CTNNA2: variants seen among roughly 807,000 people sequenced by gnomAD.
The protein encoded by CTNNA2 is catenin alpha 2.
In CTNNA2, 42 loss-of-function variants were observed where a neutral mutation model predicts 101.0. That is an observed-to-expected ratio of 0.42 (90% CI 0.32 to 0.54). CTNNA2 has a LOEUF of 0.54. Ranked by LOEUF, CTNNA2 falls within the 20% of genes least tolerant of loss-of-function variation. The probability of loss-of-function intolerance (pLI) is 0.14; values close to 1 mark genes in which losing one functional copy is unlikely to be tolerated. For synonymous variants in CTNNA2, 450 were observed against 456.4 expected, an observed-to-expected ratio of 0.99 and a Z score of 0.18; for missense variants, 871 against 1,223.1, an observed-to-expected ratio of 0.71 and a Z score of 4.29.
At chr2:79,474,641 T>C (rs1382284968) in intron 4 of CTNNA2, among the ~76,000 whole-genome samples, 1 of 152,208 alleles carries the variant, frequency 6.6e-6, no homozygotes, top group Non-Finnish European at 1.5e-5. Context: ...TATATTTTAA[T>C]TTTAATTTAT....
At chr2:80,400,901 C>T (rs1559078414) in intron 8 of CTNNA2, among the ~76,000 whole-genome samples, 1 of 152,152 alleles carries the variant, frequency 6.6e-6, no homozygotes, top group East Asian at 1.9e-4. Flanking sequence ...TATGATTGCC[C>T]CAACAGTATC....
At chr2:80,001,777 C>T (rs747076130) in intron 7 of CTNNA2, among the ~76,000 whole-genome samples, 7 of 152,192 alleles carry the variant, frequency 4.6e-5, no homozygotes, top group Non-Finnish European at 1.0e-4. Flanking sequence ...CCACTGCTAC[C>T]AGGACAGTGC....
At position 80,303,622 on chromosome 2, in the gene CTNNA2, G is replaced by C. The variant is rs747962644; in HGVS notation, c.1057-89589G>C. Reference sequence around the variant, plus strand: ...TGTAGCGCAGGGACAAGCCCAGCAGGCCGGACAGGTTGTGGGGCGCCTCGG... The same window carrying C: ...TGTAGCGCAGGGACAAGCCCAGCAGCCCGGACAGGTTGTGGGGCGCCTCGG... On this transcript the variant is annotated intron_variant, in intron 7 of 18. Coordinates refer to ENST00000402739, the MANE Select transcript of CTNNA2 (RefSeq NM_001282597.3). This position sits in a 1 kb window ranked among gnomAD's most constrained non-coding sequence, Gnocchi z 7.7. 7 of 1,614,056 alleles carry C rather than the reference G, an allele frequency of 4.3e-6. No individual in the cohort carries two copies. The highest frequency in any genetic ancestry group is 5.9e-6 in the Non-Finnish European group (7 of 1,179,984).
At chr2:80,535,412 A>T (rs565322109) in intron 9 of CTNNA2, among the ~76,000 whole-genome samples, 100 of 152,236 alleles carry the variant, frequency 6.6e-4, no homozygotes, top group African/African-American at 2.0e-3. Context: ...AACATTTGTC[A>T]AGTCATTACT....
At chr2:80,347,832 T>C (rs1672892049) in intron 7 of CTNNA2, among the ~76,000 whole-genome samples, 1 of 138,044 alleles carries the variant, frequency 7.2e-6, no homozygotes, top group African/African-American at 2.9e-5. Context: ...TTTTCCTTTT[T>C]CTTTTCTTTT....
intron 6 of CTNNA2, among the ~76,000 whole-genome samples, chr2:79,895,691 A>ATTTTTTTTT (rs757762487): frequency 5.6e-5 from 6 of 107,756 alleles, no homozygotes; most frequent in Non-Finnish European, 5.4e-5. Flanking sequence ...GAAATTTCTT[A>ATTTTTTTTT]ATTTTTTTTT....
intron 9 of CTNNA2, among the ~76,000 whole-genome samples, chr2:80,532,500 C>T (rs568377130): frequency 1.3e-5 from 2 of 152,266 alleles, no homozygotes; most frequent in South Asian, 4.1e-4. Flanking sequence ...TTAATAATGG[C>T]TCCAAAGTGC....
In CTNNA2 at chr2:79,245,715, C is replaced by T. The variant is rs186105425; in HGVS notation, c.-406+47639C>T. 3.3e-5 allele frequency among the ~76,000 whole-genome samples: 5 copies of T among 152,288 alleles called. No homozygotes were observed. In the East Asian group the frequency reaches 5.8e-4, roughly 18 times the overall value. ...ATCACTGAGAGGATCATGAAAATAA[C>T]CATGGATTGGACTTATATTCTAAGA... On this transcript the variant is annotated intron_variant, in intron 2 of 21. Transcript: ENST00000466387.
Position 79,704,552 on chromosome 2 carries a change from C to A in CTNNA2, c.103-39835C>A, listed in dbSNP as rs1249234722. 1.2e-4 allele frequency among the ~76,000 whole-genome samples: 16 copies of A among 131,436 alleles called. No homozygotes were observed. In the Middle Eastern group the frequency reaches 0.025, roughly 203 times the overall value. The allele number at this position is 131,436 out of a possible 152,430, so 86.2% of individuals were successfully genotyped here. A position where few individuals can be genotyped will look rare whatever the true frequency, so the allele number is the denominator to read the frequency against. ...TTTTGAGACGGAGTCTCGCTCTGTTCCCCAGGCTGGAGTGCAGTGGCACAA... is the reference window on the plus strand; with the variant it reads ...TTTTGAGACGGAGTCTCGCTCTGTTACCCAGGCTGGAGTGCAGTGGCACAA... On this transcript the variant is annotated intron_variant, in intron 2 of 18. Transcript: ENST00000402739.
chr2:79,848,434 A>G (rs536971981), intron 3 of CTNNA2, among the ~76,000 whole-genome samples: 2 of 151,864 alleles, frequency 1.3e-5, no homozygotes, highest in East Asian at 3.9e-4. Flanking sequence ...GAATGTGGCT[A>G]TTGCTACATT....
At chr2:80,587,771 C>T (rs140459319) in intron 14 of CTNNA2, among the ~76,000 whole-genome samples, 37 of 152,276 alleles carry the variant, frequency 2.4e-4, no homozygotes, top group Non-Finnish European at 4.1e-4. Flanking sequence ...CCCTCTTGGT[C>T]TGTCTTATGG....
intron 7 of CTNNA2, among the ~76,000 whole-genome samples, chr2:80,189,109 C>T (rs535703398): frequency 3.9e-5 from 6 of 151,970 alleles, no homozygotes; most frequent in Non-Finnish European, 8.8e-5. Flanking sequence ...CCTGCCACCT[C>T]ACCTGGCTAA....
Position 79,937,758 on chromosome 2 carries a change from T to C in CTNNA2, c.1056+27961T>C, listed in dbSNP as rs781704962. 7.9e-4 allele frequency among the ~76,000 whole-genome samples: 121 copies of C among 152,230 alleles called. 1 individual carries two copies. The highest frequency in any genetic ancestry group is 1.9e-4 in the Non-Finnish European group (13 of 68,046). ...AGTAAAAGAAATGAAGACTGTATTC[T>C]AAAGCTAATCAGAAGACTGAAAAGA... is the stretch of plus-strand genomic sequence containing the variant. On this transcript the variant is annotated intron_variant, in intron 7 of 18. Transcript: ENST00000402739.
At chr2:79,939,811 G>A (rs1428933270) in intron 7 of CTNNA2, among the ~76,000 whole-genome samples, 3 of 151,372 alleles carry the variant, frequency 2.0e-5, no homozygotes, top group Admixed American at 1.3e-4. Flanking sequence ...ACATGGACCC[G>A]GCTGGGCATG....
chr2:79,978,356 A>T (rs1222336835), intron 7 of CTNNA2, among the ~76,000 whole-genome samples: 1 of 152,110 alleles, frequency 6.6e-6, no homozygotes, highest in African/African-American at 2.4e-5. Flanking sequence ...TGTGTGTTCC[A>T]TCAAGAATTT....
chr2:80,388,021 C>T (rs1677172406), intron 7 of CTNNA2, among the ~76,000 whole-genome samples: 1 of 152,044 alleles, frequency 6.6e-6, no homozygotes, highest in African/African-American at 2.4e-5. Context: ...GGGGAGCAGG[C>T]TCAAAAAAGG....
chr2:80,545,207 C>T (rs1691936870), intron 10 of CTNNA2, 133 bp downstream of exon 10: 1 of 807,248 alleles, frequency 1.2e-6, no homozygotes, highest in Non-Finnish European at 1.9e-6. Context: ...GTTTCAAGTT[C>T]TACCTTTCTC....
chr2:80,343,954 T>A (rs78172052), intron 7 of CTNNA2, among the ~76,000 whole-genome samples: 1 of 152,314 alleles, frequency 6.6e-6, no homozygotes, highest in African/African-American at 2.4e-5. Flanking sequence ...TTTATCCCTT[T>A]GGTAACAAAA....
At chr2:80,418,440 G>T (rs1360599991) in intron 8 of CTNNA2, among the ~76,000 whole-genome samples, 6 of 152,114 alleles carry the variant, frequency 3.9e-5, no homozygotes, top group Non-Finnish European at 7.4e-5. Flanking sequence ...ACTTTACATA[G>T]ACTTTATTAC....
Sources: allele counts gnomAD v4.1 joint callset (sites outside exome capture counted in the v4.1 genomes callset), GRCh38; gene constraint gnomAD v4.1.1; non-coding constraint Gnocchi (gnomAD v3.1); transcripts MANE v1.5; gene names NCBI Gene and HGNC (gene_info 2026-07-23, HGNC 2026-07-21).